The following BPTF variants were observed in gnomAD, a reference collection of about 807,000 sequenced individuals.
BPTF encodes nucleosome-remodeling factor subunit BPTF.
BPTF carries 18 observed loss-of-function variants against 292.5 expected under a neutral mutation model. The observed-to-expected ratio is 0.06, with a 90% CI of 0.04 to 0.09. BPTF has a LOEUF of 0.09. BPTF is among the 10% of genes least tolerant of loss of function. The pLI, the probability that BPTF is intolerant of heterozygous loss-of-function variation, is 1.00. For synonymous variants in BPTF, 1,225 were observed against 1,251.9 expected (o/e 0.98, Z 0.45); for missense variants, 2,726 against 3,498.7 (o/e 0.78, Z 5.57).
rs1426148401 is a variant in BPTF, at chr17:67,885,882, G to A, written c.1865-5962G>A. On this transcript the variant is annotated intron_variant, in intron 4 of 27. Coordinates refer to ENST00000306378, the MANE Select transcript of BPTF (RefSeq NM_182641.4). ...CTTGTACTGGAGACTAAGGTGATAC[G>A]AGTCAGTGAGTTAGAGTTGGGTCCT... Among the ~76,000 whole-genome samples the A allele has an allele frequency of 2.0e-5, 3 of 151,776 alleles. No homozygotes were observed. The South Asian group carries it at 6.2e-4, about 31-fold the overall frequency.
At chr17:67,969,817 T>G (rs1555689873) in intron 26 of BPTF, among the ~76,000 whole-genome samples, 1 of 151,974 alleles carries the variant, frequency 6.6e-6, no homozygotes, top group East Asian at 1.9e-4. Flanking sequence ...CAAAAAATGC[T>G]CAGGAGGCTG....
At position 67,846,850 on chromosome 17, in the gene BPTF, G is replaced by A. The variant is rs75809893; in HGVS notation, c.614-7090G>A. 7.5e-4 allele frequency among the ~76,000 whole-genome samples: 114 copies of A among 152,226 alleles called. No homozygotes were observed. The East Asian group carries it at 0.015, about 20-fold the overall frequency. ...GGAGTAGCTGGGATTACAGGCACAC[G>A]TCACCACACCCAGCTAATTTTTGTT... is the stretch of plus-strand genomic sequence containing the variant. On this transcript the variant is annotated intron_variant, in intron 1 of 27. Coordinates refer to ENST00000306378, the MANE Select transcript of BPTF (RefSeq NM_182641.4).
chr17:67,921,209 CAAAAAAAA>C (rs60707445), intron 13 of BPTF, among the ~76,000 whole-genome samples: 2,013 of 49,228 alleles, frequency 0.041, 52 homozygotes, highest in African/African-American at 0.092. Context: ...GAATCCGTGT[CAAAAAAAA>C]AAAAAAAAAA....
intron 4 of BPTF, among the ~76,000 whole-genome samples, chr17:67,884,326 G>C (rs896722677): frequency 4.0e-5 from 6 of 151,588 alleles, no homozygotes; most frequent in Admixed American, 6.6e-5. Flanking sequence ...GGCTGCTCTC[G>C]AATGCCTGAC....
chr17:67,958,736 G>A (rs540933884), intron 23 of BPTF, among the ~76,000 whole-genome samples: 2 of 151,836 alleles, frequency 1.3e-5, no homozygotes, highest in African/African-American at 4.8e-5. Flanking sequence ...AGGCCGAGGC[G>A]GGTGGATCAC....
Position 67,948,175 on chromosome 17 carries a change from G to A in BPTF, c.7795G>A (p.Val2599Met). The A allele has an allele frequency of 6.2e-7, 1 of 1,614,192 alleles. No individual in the cohort carries two copies. The highest frequency in any genetic ancestry group is 1.1e-5 in the South Asian group (1 of 91,088). The stretch of plus-strand genomic sequence containing the variant: ...AAAAAAACGGAAGCGTGAAGAGAGT[G>A]TGGAGCAGAAACGTAGCAAGCAGAA... ...AAKKRKREES[V>M]EQKRSKQNAT... The change falls in exon 23 of 28, where the codon GTG (valine) becomes ATG (methionine). Residue 2599 changes from valine (V) to methionine (M), a missense_variant. Physicochemically the swap from Val to Met is conservative, Grantham distance 21. Coordinates refer to ENST00000306378, the MANE Select transcript of BPTF (RefSeq NM_182641.4).
At chr17:67,855,557 T>G (rs529111912) in intron 2 of BPTF, among the ~76,000 whole-genome samples, 15 of 152,228 alleles carry the variant, frequency 9.9e-5, no homozygotes, top group African/African-American at 3.6e-4. Flanking sequence ...AGACTGAGGG[T>G]CATAGTCTGG....
Position 67,946,073 on chromosome 17 carries a change from G to T in BPTF, c.7365G>T (p.Gln2455His), listed in dbSNP as rs1373427608. The change falls in exon 21 of 28, where the codon CAG becomes CAT. Residue 2455 changes from glutamine (Q) to histidine (H), a missense_variant. By Grantham distance (24) the Gln-to-His change is conservative. This residue lies in a region of BPTF where 570 missense variants were observed against 633.5 expected (regional missense o/e 0.90). Transcript: ENST00000306378. The stretch of plus-strand genomic sequence containing the variant: ...AGATCCAGTCACAGGTTGTGGCTCA[G>T]ATACAGGCTCAGCAAAGTGGTGTGC... ...LSQIQSQVVA[Q>H]IQAQQSGVPQ... The T allele has an allele frequency of 6.2e-7, 1 of 1,614,176 alleles. No homozygotes were observed. Among genetic ancestry groups the T allele is most frequent in the Admixed American group, 1.7e-5 (1 of 60,016 alleles).
At chr17:67,945,137 G>T (rs1182894744) in intron 20 of BPTF, among the ~76,000 whole-genome samples, 2 of 152,162 alleles carry the variant, frequency 1.3e-5, no homozygotes, top group Non-Finnish European at 2.9e-5. Context: ...CTGGACGCAA[G>T]CAATCCTCCC....
chr17:67,825,704 TC>T lies in BPTF; in HGVS notation c.-15del. 3 of 860,782 alleles carry T rather than the reference TC, an allele frequency of 3.5e-6. No individual in the cohort carries two copies. The highest frequency in any genetic ancestry group is 4.2e-6 in the Non-Finnish European group (3 of 716,788). 53.3% of individuals were successfully genotyped at this position (860,782 alleles called of 1,614,324 possible). A position where few individuals can be genotyped will look rare whatever the true frequency, so the allele number is the denominator to read the frequency against. On this transcript the variant is annotated 5_prime_UTR_variant, in exon 1 of 28. Coordinates refer to ENST00000306378, the MANE Select transcript of BPTF (RefSeq NM_182641.4). ...CGCCCCTCCCCCTTCGCTTTCCTTC[TC>T]CCCCCGCCTCGGCTCCGACATGAGG...
intron 1 of BPTF, among the ~76,000 whole-genome samples, chr17:67,843,146 A>C (rs1453356543): frequency 4.3e-4 from 65 of 150,018 alleles, no homozygotes; most frequent in Admixed American, 4.0e-3. Flanking sequence ...CTACATACAT[A>C]TAAATATATA....
intron 15 of BPTF, among the ~76,000 whole-genome samples, chr17:67,926,547 A>G (rs961833293): frequency 1.3e-5 from 2 of 150,576 alleles, no homozygotes; most frequent in Non-Finnish European, 3.0e-5. Flanking sequence ...GATGGTCTCG[A>G]TCTCCTGACC....
rs779051957 is a variant in BPTF at position 67,912,511 on chromosome 17, A to G, written c.4627A>G (p.Lys1543Glu). The G allele has an allele frequency of 6.2e-6, 10 of 1,614,002 alleles. 1 individual carries two copies. The South Asian group carries it at 1.1e-4, about 18-fold the overall frequency. The change falls in exon 11 of 28, where the codon AAA (lysine) becomes GAA (glutamate). Residue 1543 changes from lysine to glutamate, a missense_variant. Transcript: ENST00000306378. ...DMEIETSEVK[K>E]VTSSPITSEE... The stretch of plus-strand genomic sequence containing the variant: ...GGAAATAGAAACCTCAGAAGTTAAG[A>G]AAGTTACTTCATCACCTATTACTTC...
chr17:67,844,584 A>G (rs1354760714), intron 1 of BPTF, among the ~76,000 whole-genome samples: 1 of 131,638 alleles, frequency 7.6e-6, no homozygotes, highest in Non-Finnish European at 1.6e-5. Flanking sequence ...TATTTTTACT[A>G]GAGACAGAGT....
intron 7 of BPTF, among the ~76,000 whole-genome samples, chr17:67,901,888 G>T (rs571735217): frequency 6.6e-6 from 1 of 152,286 alleles, no homozygotes. Context: ...GATATAGGGG[G>T]GTACTCCCCA....
intron 1 of BPTF, among the ~76,000 whole-genome samples, chr17:67,832,915 G>A (rs1483721551): frequency 6.8e-6 from 1 of 147,916 alleles, no homozygotes; most frequent in East Asian, 2.0e-4. Context: ...AGCCTCCCAA[G>A]TAGCTGGGAT....
rs760169367 is a variant in BPTF, at chr17:67,912,618, A to G, written c.4734A>G (p.Glu1578=). Residue 1578 remains glutamate, a synonymous_variant, in exon 11 of 28, where the codon GAA becomes GAG. Transcript: ENST00000306378. ...PINKNENVNG[E]SKRKTVITEV... ...ACAAAAATGAAAATGTCAATGGAGA[A>G]TCTAAAAGAAAAACCGTCATCACAG... The G allele has an allele frequency of 1.9e-6, 3 of 1,613,252 alleles. No homozygotes were observed. In the South Asian group the frequency reaches 3.3e-5, roughly 18 times the overall value.
In BPTF at chr17:67,940,632, A is replaced by G. The variant is rs142960950; in HGVS notation, c.6453A>G (p.Gln2151=). The G allele has an allele frequency of 2.2e-5, 35 of 1,614,126 alleles. No individual in the cohort carries two copies. The Admixed American group carries it at 4.5e-4, about 21-fold the overall frequency. ...QQGQVKLTMA[Q]LTQLTQGHGG... Reference sequence around the variant, plus strand: ...GACAAGTGAAGCTCACCATGGCTCAACTTACTCAGTTAACACAGGGCCACG... The same window carrying G: ...GACAAGTGAAGCTCACCATGGCTCAGCTTACTCAGTTAACACAGGGCCACG... Residue 2151 remains glutamine, a synonymous_variant, in exon 19 of 28, where the codon CAA becomes CAG. Coordinates refer to ENST00000306378, the MANE Select transcript of BPTF (RefSeq NM_182641.4).
intron 24 of BPTF, among the ~76,000 whole-genome samples, chr17:67,961,909 G>A (rs539165033): frequency 5.6e-4 from 85 of 152,076 alleles, no homozygotes; most frequent in African/African-American, 2.0e-3. Flanking sequence ...GGGAGACTGA[G>A]GTTGCAGTGA....
Sources: allele counts gnomAD v4.1 joint callset (sites outside exome capture counted in the v4.1 genomes callset), GRCh38; gene constraint gnomAD v4.1.1; regional missense constraint gnomAD v4.1.1; transcripts MANE v1.5; gene names NCBI Gene and HGNC (gene_info 2026-07-23, HGNC 2026-07-21).